CNTN5: variants seen among roughly 807,000 people sequenced by gnomAD.
CNTN5 encodes contactin-5.
A neutral mutation model predicts 129.1 loss-of-function variants in CNTN5; 77 were observed. The ratio of observed to expected loss-of-function variants is 0.60; its 90% CI spans 0.50 to 0.72. The LOEUF is 0.72. CNTN5 is among the 30% of genes least tolerant of loss of function. CNTN5 has a pLI of 0.00. For synonymous variants in CNTN5, 509 were observed against 465.6 expected (o/e 1.09, Z -1.20); for missense variants, 1,478 against 1,328.8 (o/e 1.11, Z -1.75).
intron 13 of CNTN5, among the ~76,000 whole-genome samples, chr11:100,185,201 A>G (rs1327621206): frequency 6.6e-6 from 1 of 152,144 alleles, no homozygotes; most frequent in Non-Finnish European, 1.5e-5. Flanking sequence ...GGGCTCAATC[A>G]AGTCATTTTA....
At chr11:99,613,353 TG>T in intron 3 of CNTN5, among the ~76,000 whole-genome samples, 1 of 152,282 alleles carries the variant, frequency 6.6e-6, no homozygotes, top group Non-Finnish European at 1.5e-5. Context: ...CCTGCAGTCT[TG>T]GGGAGAAGGG....
chr11:99,719,741 A>T (rs1243076363), intron 3 of CNTN5, among the ~76,000 whole-genome samples: 3 of 152,096 alleles, frequency 2.0e-5, no homozygotes, highest in African/African-American at 7.2e-5. Flanking sequence ...GAGATCAACA[A>T]ATTCGTGAGT....
At chr11:99,476,626 T>A (rs1279892413) in intron 2 of CNTN5, among the ~76,000 whole-genome samples, 2 of 152,138 alleles carry the variant, frequency 1.3e-5, no homozygotes, top group Non-Finnish European at 1.5e-5. Flanking sequence ...GCATTCATAA[T>A]TATGAACTGA....
rs567185716 is a variant in CNTN5, at chr11:99,884,158, T to G, written c.578-31896T>G. Among the ~76,000 whole-genome samples, 3 of 152,152 alleles carry G rather than the reference T, an allele frequency of 2.0e-5. No homozygotes were observed. The South Asian group carries it at 6.2e-4, about 32-fold the overall frequency. On this transcript the variant is annotated intron_variant, in intron 6 of 24. Coordinates refer to ENST00000524871, the MANE Select transcript of CNTN5 (RefSeq NM_014361.4). ...TATATTCAGAAATTCTATATAGACC[T>G]CAGAAATTCTAAAAGTTAACATGAA...
intron 2 of CNTN5, among the ~76,000 whole-genome samples, chr11:99,527,343 G>A (rs1037174983): frequency 6.6e-6 from 1 of 151,992 alleles, no homozygotes; most frequent in African/African-American, 2.4e-5. Context: ...TAGGCATGAG[G>A]GATATTAATG....
chr11:100,020,803 AAAAT>A (rs1444391559), intron 9 of CNTN5, among the ~76,000 whole-genome samples: 2 of 152,138 alleles, frequency 1.3e-5, no homozygotes, highest in Admixed American at 1.3e-4. Flanking sequence ...GAAGAAATTA[AAAAT>A]AAATCCATTT....
At chr11:100,238,017 A>G (rs189541190) in intron 16 of CNTN5, among the ~76,000 whole-genome samples, 1 of 152,308 alleles carries the variant, frequency 6.6e-6, no homozygotes, top group East Asian at 1.9e-4. Context: ...ATGGGTAGGC[A>G]TTGTAAAGAT....
intron 3 of CNTN5, among the ~76,000 whole-genome samples, chr11:99,579,482 G>T (rs11220531): frequency 0.91 from 135,148 of 148,646 alleles, 61,617 homozygotes; most frequent in East Asian, 1. Context: ...TTCTTCCATT[G>T]GTTTGTATCC....
At chr11:100,243,935 C>T (rs969291021) in intron 16 of CNTN5, among the ~76,000 whole-genome samples, 18 of 152,098 alleles carry the variant, frequency 1.2e-4, no homozygotes, top group African/African-American at 3.6e-4. Context: ...TGAGATCCTC[C>T]TCCAGACTCT....
intron 3 of CNTN5, among the ~76,000 whole-genome samples, chr11:99,647,507 T>C (rs759920681): frequency 5.3e-5 from 8 of 152,034 alleles, no homozygotes; most frequent in Admixed American, 1.3e-4. Flanking sequence ...CTCAGTATTA[T>C]TTTTCACTAT....
At chr11:100,067,011 A>ACCACTGCCCTTT (rs1376866410) in intron 10 of CNTN5, among the ~76,000 whole-genome samples, 22 of 152,000 alleles carry the variant, frequency 1.4e-4, no homozygotes, top group Non-Finnish European at 2.9e-5. Flanking sequence ...TAAAAATTTT[A>ACCACTGCCCTTT]CCACTGCCCT....
chr11:100,092,422 C>T (rs953597936), intron 13 of CNTN5, among the ~76,000 whole-genome samples: 1 of 152,058 alleles, frequency 6.6e-6, no homozygotes, highest in Non-Finnish European at 1.5e-5. Context: ...TTAAGGCCTG[C>T]ATTTTCGTGG....
At chr11:99,446,083 A>AT (rs200379346) in intron 2 of CNTN5, among the ~76,000 whole-genome samples, 1,161 of 22,274 alleles carry the variant, frequency 0.052, 16 homozygotes, top group African/African-American at 0.073. Context: ...AGACTTTGTC[A>AT]TTAAAAAAAA....
At chr11:99,272,298 CT>C (rs766257853) in intron 1 of CNTN5, among the ~76,000 whole-genome samples, 478 of 144,038 alleles carry the variant, frequency 3.3e-3, no homozygotes, top group Middle Eastern at 0.011. Flanking sequence ...AGTAAGCAGT[CT>C]TTTTTTTTTT....
intron 18 of CNTN5, among the ~76,000 whole-genome samples, chr11:100,292,824 C>G (rs182466802): frequency 9.2e-4 from 140 of 152,070 alleles, no homozygotes; most frequent in Non-Finnish European, 1.9e-3. Flanking sequence ...CAGCCACTCT[C>G]AATTCAGCAT....
At chr11:100,165,457 C>A (rs1469858962) in intron 13 of CNTN5, among the ~76,000 whole-genome samples, 1 of 151,146 alleles carries the variant, frequency 6.6e-6, no homozygotes, top group Non-Finnish European at 1.5e-5. Flanking sequence ...TGAAAAGTGA[C>A]TAATGTATCA....
chr11:99,284,946 C>A (rs1863867211), intron 1 of CNTN5, among the ~76,000 whole-genome samples: 3 of 152,012 alleles, frequency 2.0e-5, no homozygotes, highest in African/African-American at 7.2e-5. Context: ...TTCATAAATT[C>A]ATCGTTAAAA....
At chr11:100,314,700 T>C (rs1174660699) in intron 21 of CNTN5, among the ~76,000 whole-genome samples, 1 of 152,126 alleles carries the variant, frequency 6.6e-6, no homozygotes, top group African/African-American at 2.4e-5. Context: ...GACGGCATCA[T>C]TAAGGGCAGT....
chr11:99,465,809 G>A (rs1357835432), intron 2 of CNTN5, among the ~76,000 whole-genome samples: 1 of 151,748 alleles, frequency 6.6e-6, no homozygotes, highest in Non-Finnish European at 1.5e-5. Context: ...AGGCAAAGGG[G>A]GAAGCAGGCA....
Sources: gnomAD v4.1 joint callset for allele counts (sites outside exome capture counted in the v4.1 genomes callset) on GRCh38, gnomAD v4.1.1 for gene constraint, MANE v1.5 for transcripts, NCBI Gene and HGNC (gene_info 2026-07-23, HGNC 2026-07-21) for gene names.